CDYL2: variants seen among roughly 807,000 people sequenced by gnomAD.
The protein encoded by CDYL2 is chromodomain Y like 2.
In CDYL2, 23 loss-of-function variants were observed where a neutral mutation model predicts 49.4. The observed-to-expected ratio is 0.47, with a 90% confidence interval of 0.34 to 0.66. The LOEUF is 0.66. CDYL2 is among the 30% of genes least tolerant of loss of function. The pLI is 0.01. For synonymous variants in CDYL2, 360 were observed against 268.8 expected, an observed-to-expected ratio of 1.34 and a Z score of -3.32; for missense variants, 678 against 656.4, an observed-to-expected ratio of 1.03 and a Z score of -0.36.
In CDYL2 at chr16:80,696,871, C is replaced by G. The variant is rs74987835; in HGVS notation, c.25-11742G>C. ...GAGGGCCCAGGCATGGTGTCATGCA[C>G]TTAGAGACCCAGCTCCTCTGGAGGT... On this transcript the variant is annotated intron_variant, in intron 1 of 6. Transcript: ENST00000570137. Among the ~76,000 whole-genome samples, 1,367 of 152,258 alleles carry G rather than the reference C, an allele frequency of 9.0e-3. 24 individuals are homozygous for G. The highest frequency in any genetic ancestry group is 0.031 in the African/African-American group (1,280 of 41,544).
At chr16:80,777,962 TAA>T (rs148563316) in intron 1 of CDYL2, among the ~76,000 whole-genome samples, 4 of 150,876 alleles carry the variant, frequency 2.7e-5, no homozygotes, top group South Asian at 2.1e-4. Context: ...AATACTAAAA[TAA>T]AAAAAAATGT....
At position 80,770,424 on chromosome 16, in the gene CDYL2, T is replaced by A. The variant is rs373248919; in HGVS notation, c.24+33726A>T. Among the ~76,000 whole-genome samples, 66 of 152,226 alleles carry A rather than the reference T, an allele frequency of 4.3e-4. No individual in the cohort carries two copies. In the Middle Eastern group the frequency reaches 0.01, roughly 24 times the overall value. ...CACCATGGTTTTCAAAGAAATAATG[T>A]GCAACAAAATCTTCACAACCAGCCA... On this transcript the variant is annotated intron_variant, in intron 1 of 6. Coordinates refer to ENST00000570137, the MANE Select transcript of CDYL2 (RefSeq NM_152342.4).
intron 1 of CDYL2, among the ~76,000 whole-genome samples, chr16:80,781,354 T>C (rs1217544970): frequency 6.6e-6 from 1 of 152,148 alleles, no homozygotes; most frequent in South Asian, 2.1e-4. Flanking sequence ...TATAAACATA[T>C]GTGCATCTAA....
At chr16:80,667,143 G>C (rs1231883533) in intron 2 of CDYL2, among the ~76,000 whole-genome samples, 2 of 152,210 alleles carry the variant, frequency 1.3e-5, no homozygotes, top group East Asian at 1.9e-4. Context: ...AGGATGAGCA[G>C]AGGTTACTAC....
chr16:80,725,891 C>T (rs1393119004), intron 1 of CDYL2, among the ~76,000 whole-genome samples: 1 of 152,182 alleles, frequency 6.6e-6, no homozygotes, highest in African/African-American at 2.4e-5. Context: ...GCCATTCAAC[C>T]CACAGCTTCT....
chr16:80,707,931 G>C (rs907660434), intron 1 of CDYL2, among the ~76,000 whole-genome samples: 1 of 152,184 alleles, frequency 6.6e-6, no homozygotes, highest in Non-Finnish European at 1.5e-5. Flanking sequence ...CTCTCCAGTA[G>C]GGTGTTGGGT....
intron 1 of CDYL2, chr16:80,735,048 C>T (rs1031286218): frequency 6.6e-6 from 1 of 152,226 alleles, no homozygotes; most frequent in Admixed American, 6.5e-5. Context: ...TATCTCCCAA[C>T]CTTAACTTCT....
intron 2 of CDYL2, among the ~76,000 whole-genome samples, chr16:80,680,005 C>T (rs1405205192): frequency 6.6e-6 from 1 of 152,214 alleles, no homozygotes; most frequent in Admixed American, 6.5e-5. Context: ...CCATAGGCCA[C>T]TTCCCATTGC....
intron 1 of CDYL2, among the ~76,000 whole-genome samples, chr16:80,700,103 C>T (rs1373611753): frequency 1.3e-5 from 2 of 152,176 alleles, no homozygotes; most frequent in South Asian, 4.1e-4. Flanking sequence ...TCATGATCCG[C>T]CCGCCTCGGC....
intron 2 of CDYL2, among the ~76,000 whole-genome samples, chr16:80,655,379 G>C (rs1162957329): frequency 2.0e-5 from 3 of 152,194 alleles, no homozygotes; most frequent in African/African-American, 7.2e-5. Context: ...AGAAAGTAGA[G>C]AAATAGGGCC....
intron 1 of CDYL2, among the ~76,000 whole-genome samples, chr16:80,785,868 T>A (rs967108689): frequency 6.6e-6 from 1 of 152,172 alleles, no homozygotes; most frequent in South Asian, 2.1e-4. Flanking sequence ...GGGGAAAAGA[T>A]TTCCTATTTA....
In CDYL2 at chr16:80,608,119, G is replaced by A. The variant is rs372996672; in HGVS notation, c.1335C>T (p.Val445=). The change falls in exon 6 of 7, where the codon GTC becomes GTT. Residue 445 remains valine (V), a synonymous_variant. Coordinates refer to ENST00000570137, the MANE Select transcript of CDYL2 (RefSeq NM_152342.4). ...TTFSQEVMLR[V]KEMASCSAVV... Reference sequence around the variant, plus strand: ...CGGCACTGCAGGATGCCATCTCCTTGACCCGCAGCATGACCTCCTGGCTGA... The same window carrying A: ...CGGCACTGCAGGATGCCATCTCCTTAACCCGCAGCATGACCTCCTGGCTGA... 55 of 1,600,710 alleles carry A rather than the reference G, an allele frequency of 3.4e-5. No homozygotes were observed. The highest frequency in any genetic ancestry group is 4.3e-5 in the Non-Finnish European group (51 of 1,173,712).
chr16:80,607,993 G>T, intron 6 of CDYL2, 99 bp downstream of exon 6: 3 of 1,368,236 alleles, frequency 2.2e-6, no homozygotes, highest in South Asian at 3.1e-5. Context: ...TTCCCTGTGC[G>T]ACCTCTAGCA....
At chr16:80,687,622 T>G (rs946791629) in intron 1 of CDYL2, among the ~76,000 whole-genome samples, 4 of 151,962 alleles carry the variant, frequency 2.6e-5, no homozygotes, top group African/African-American at 4.8e-5. Flanking sequence ...GGGACAGAAG[T>G]GGGTTCATAA....
intron 1 of CDYL2, among the ~76,000 whole-genome samples, chr16:80,756,046 A>G (rs540279761): frequency 3.0e-4 from 46 of 152,334 alleles, no homozygotes; most frequent in African/African-American, 1.1e-3. Flanking sequence ...AACACACATA[A>G]TAATTCATAA....
rs917537745 is a variant in CDYL2 at position 80,727,794 on chromosome 16, A to G, written c.25-42665T>C. On this transcript the variant is annotated intron_variant, in intron 1 of 6. Coordinates refer to ENST00000570137, the MANE Select transcript of CDYL2 (RefSeq NM_152342.4). ...CTCCTCAAGTGGGTCCCTGACCCCTAACCCCCGAGCAGCCTAACTGAAAGG... is the reference window on the plus strand; with the variant it reads ...CTCCTCAAGTGGGTCCCTGACCCCTGACCCCCGAGCAGCCTAACTGAAAGG... Among the ~76,000 whole-genome samples the G allele has an allele frequency of 3.0e-4, 46 of 152,286 alleles. 1 individual carries two copies. Among genetic ancestry groups the G allele is most frequent in the Admixed American group, 8.5e-4 (13 of 15,302 alleles).
At chr16:80,778,640 A>G (rs1332971687) in intron 1 of CDYL2, among the ~76,000 whole-genome samples, 1 of 152,092 alleles carries the variant, frequency 6.6e-6, no homozygotes, top group African/African-American at 2.4e-5. Flanking sequence ...CAGAGGTATC[A>G]ACTTTATCCA....
At chr16:80,670,262 G>C (rs1909444202) in intron 2 of CDYL2, among the ~76,000 whole-genome samples, 1 of 147,502 alleles carries the variant, frequency 6.8e-6, no homozygotes, top group African/African-American at 2.4e-5. Context: ...TGTGGTGGGA[G>C]GGACCCAGTG....
chr16:80,764,658 A>G (rs1906652092), intron 1 of CDYL2, among the ~76,000 whole-genome samples: 1 of 152,188 alleles, frequency 6.6e-6, no homozygotes. Flanking sequence ...CATCAATGGT[A>G]TCTAATATAT....
Sources: gnomAD v4.1 joint callset for allele counts (sites outside exome capture counted in the v4.1 genomes callset) on GRCh38, gnomAD v4.1.1 for gene constraint, MANE v1.5 for transcripts, NCBI Gene and HGNC (gene_info 2026-07-23, HGNC 2026-07-21) for gene names.